Variants in NCSTN observed in about 807,000 individuals in gnomAD.
NCSTN encodes the protein nicastrin, also known as anterior pharynx-defective 2.
A neutral mutation model predicts 87.0 loss-of-function variants in NCSTN; 22 were observed. The ratio of observed to expected loss-of-function variants is 0.25; its 90% confidence interval spans 0.18 to 0.36. The LOEUF (loss-of-function observed/expected upper bound fraction) is 0.36, where lower values mean the gene tolerates loss of function less well. Ranked by LOEUF, NCSTN falls within the 10% of genes least tolerant of loss-of-function variation. The probability of loss-of-function intolerance (pLI) is 1.00; values close to 1 mark genes in which losing one functional copy is unlikely to be tolerated. For synonymous variants in NCSTN, 306 were observed against 327.1 expected (o/e 0.94, Z 0.69); for missense variants, 693 against 883.3 (o/e 0.78, Z 2.73).
At chr1:160,357,576 T>G (rs934935763) in intron 16 of NCSTN, among the ~76,000 whole-genome samples, 5 of 152,254 alleles carry the variant, frequency 3.3e-5, no homozygotes, top group African/African-American at 1.2e-4. Context: ...AGCTAATTTT[T>G]TTTTATTTTT....
At chr1:160,351,488 T>C in intron 6 of NCSTN, 116 bp downstream of exon 6, 1 of 1,364,312 alleles carries the variant, frequency 7.3e-7, no homozygotes, top group Non-Finnish European at 1.0e-6. Context: ...ATGAAGGAGC[T>C]CTGCATGGGA....
rs748459505 is a variant in NCSTN at position 160,355,640 on chromosome 1, C to G, written c.1353-15C>G. Reference sequence around the variant, plus strand: ...GGCTAAATGTAGCCAAGGCTCATGCCGGCTTTCCTGGCAGATATTACCAGA... The same window carrying G: ...GGCTAAATGTAGCCAAGGCTCATGCGGGCTTTCCTGGCAGATATTACCAGA... On this transcript the variant is annotated splice_polypyrimidine_tract_variant and intron_variant, in intron 11 of 16. Transcript: ENST00000294785. The G allele has an allele frequency of 1.9e-6, 3 of 1,599,958 alleles. No individual in the cohort carries two copies. Among genetic ancestry groups the G allele is most frequent in the Non-Finnish European group, 1.7e-6 (2 of 1,167,342 alleles).
At chr1:160,356,964 G>T in intron 15 of NCSTN, 77 bp from the exon 16 acceptor site, 10 of 1,437,712 alleles carry the variant, frequency 7.0e-6, no homozygotes, top group Non-Finnish European at 9.8e-6. Context: ...GTTAGAGCAT[G>T]GCACTGATAG....
chr1:160,343,640 T>G, intron 1 of NCSTN, 159 bp downstream of exon 1: 1 of 788,040 alleles, frequency 1.3e-6, no homozygotes, highest in Non-Finnish European at 2.2e-6. Flanking sequence ...AGTTCCCCCT[T>G]TGCCTGGACC....
At chr1:160,347,358 G>A (rs1410771113) in intron 2 of NCSTN, among the ~76,000 whole-genome samples, 6 of 152,154 alleles carry the variant, frequency 3.9e-5, no homozygotes, top group Non-Finnish European at 7.3e-5. Context: ...TCTCTTAGAC[G>A]CTTTAAAGTT....
In NCSTN at chr1:160,351,685, G is replaced by C. The variant is rs772178774; in HGVS notation, c.734-11G>C. 2.6e-5 allele frequency: 41 copies of C among 1,569,868 alleles called. No homozygotes were observed. The highest frequency in any genetic ancestry group is 2.5e-4 in the Admixed American group (15 of 59,956). ...GCCTTGTTGATCTCTCATTGTTTGT[G>C]TCCTGCTTAGAAATCGTCTGTGACC... On this transcript the variant is annotated splice_polypyrimidine_tract_variant and intron_variant, in intron 6 of 16. Transcript: ENST00000294785.
chr1:160,347,805 T>C lies in NCSTN; in HGVS notation c.191-1194T>C, dbSNP rs556138135. On this transcript the variant is annotated intron_variant, in intron 2 of 16. Transcript: ENST00000294785. The stretch of plus-strand genomic sequence containing the variant: ...TTGTATTTTTAGTAGAGATGGGGTT[T>C]CGCCATGTTGGCCAGGCTGGTCTCA... 2.6e-5 allele frequency among the ~76,000 whole-genome samples: 4 copies of C among 152,354 alleles called. No individual in the cohort carries two copies. The South Asian group carries it at 8.3e-4, about 32-fold the overall frequency.
Position 160,352,915 on chromosome 1 carries a change from G to C in NCSTN, c.1025G>C (p.Arg342Thr). Residue 342 changes from arginine to threonine, a missense_variant, in exon 9 of 17, where the codon AGG becomes ACG. Transcript: ENST00000294785. Reference sequence around the variant, plus strand: ...ACTTTTGACTACATTGGCAGCTCGAGGATGGTCTACGATATGGAGAAGGGC... The same window carrying C: ...ACTTTTGACTACATTGGCAGCTCGACGATGGTCTACGATATGGAGAAGGGC... ...GETFDYIGSS[R>T]MVYDMEKGKF... 1 of 1,614,166 alleles carries C rather than the reference G, an allele frequency of 6.2e-7. No homozygotes were observed.
Position 160,349,623 on chromosome 1 carries a change from C to A in NCSTN, c.389C>A (p.Pro130His). The A allele has an allele frequency of 6.2e-7, 1 of 1,614,166 alleles. No individual in the cohort carries two copies. The highest frequency in any genetic ancestry group is 8.5e-7 in the Non-Finnish European group (1 of 1,180,014). The change falls in exon 4 of 17, where the codon CCT becomes CAT. Residue 130 changes from proline to histidine, a missense_variant. Transcript: ENST00000294785. ...GLAVSLTKPSPASGFSPSVQC... is the reference protein window; with the variant it reads ...GLAVSLTKPSHASGFSPSVQC... ...GCAGTGTCCTTGACCAAGCCCAGTC[C>A]TGCCTCAGGCTTCTCTCCTAGTGTA...
chr1:160,355,778 G>T, intron 12 of NCSTN, 21 bp downstream of exon 12: 5 of 1,604,374 alleles, frequency 3.1e-6, no homozygotes, highest in Non-Finnish European at 4.3e-6. Flanking sequence ...GCCAGGCTGG[G>T]TGGGAGCCTG....
chr1:160,357,736 A>G (rs968163330), intron 16 of NCSTN, among the ~76,000 whole-genome samples: 1 of 152,136 alleles, frequency 6.6e-6, no homozygotes, highest in Admixed American at 6.5e-5. Context: ...TAGTTTGAGT[A>G]GGTGTTCATT....
intron 2 of NCSTN, among the ~76,000 whole-genome samples, chr1:160,348,488 C>G (rs1020642501): frequency 6.6e-6 from 1 of 152,186 alleles, no homozygotes; most frequent in Non-Finnish European, 1.5e-5. Flanking sequence ...TTAGAAACCT[C>G]AGAGTTCTTG....
At chr1:160,351,606 T>TG in intron 6 of NCSTN, 90 bp from the exon 7 acceptor site, 1 of 1,322,826 alleles carries the variant, frequency 7.6e-7, no homozygotes, top group Non-Finnish European at 1.1e-6. Flanking sequence ...TTAGAGTCCG[T>TG]GGGGCACTGG....
intron 3 of NCSTN, chr1:160,349,338 C>T: frequency 1.1e-6 from 1 of 883,148 alleles, no homozygotes. Flanking sequence ...CCCTGGGCAT[C>T]CCTCCCCTCC....
At chr1:160,352,841 C>A in intron 8 of NCSTN, 46 bp from the exon 9 acceptor site, 1 of 1,492,036 alleles carries the variant, frequency 6.7e-7, no homozygotes, top group Non-Finnish European at 9.4e-7. Context: ...GCTCTCCTAA[C>A]CCTTTGGAAT....
chr1:160,343,601 TC>T (rs1226226848), intron 1 of NCSTN, 120 bp downstream of exon 1: 9 of 974,570 alleles, frequency 9.2e-6, no homozygotes, highest in Non-Finnish European at 1.4e-5. Context: ...ACCCTGTAAA[TC>T]CTCTTTCTTT....
At position 160,357,161 on chromosome 1, in the gene NCSTN, C is replaced by T; in HGVS notation, c.1915C>T (p.Gln639Ter). ...CTTGTCTCCTGCCTTTGAACTGAGT[C>T]AGTGGAGCTCTACTGAATACTCTAC... The part of the protein sequence containing the change: ...RALSPAFELS[Q>*]WSSTEYSTWT... The change falls in exon 16 of 17, where the codon CAG (glutamine) becomes TAG (stop). Residue 639 changes from glutamine (Q) to a stop codon, truncating the protein, a stop_gained. Coordinates refer to ENST00000294785, the MANE Select transcript of NCSTN (RefSeq NM_015331.3). LOFTEE classifies it high-confidence loss of function. 1 of 1,614,136 alleles carries T rather than the reference C, an allele frequency of 6.2e-7. No homozygotes were observed. Among genetic ancestry groups the T allele is most frequent in the Non-Finnish European group, 8.5e-7 (1 of 1,180,012 alleles).
At chr1:160,350,326 CA>C (rs1648766659) in intron 5 of NCSTN, 76 bp downstream of exon 5, 1 of 1,556,604 alleles carries the variant, frequency 6.4e-7, no homozygotes, top group African/African-American at 1.4e-5. Context: ...GTGGTGTGTG[CA>C]CGTAGTCCCA....
At chr1:160,352,243 G>A in intron 8 of NCSTN, 37 bp downstream of exon 8, 1 of 1,613,052 alleles carries the variant, frequency 6.2e-7, no homozygotes, top group East Asian at 2.2e-5. Context: ...TGGCAGGGAA[G>A]AAAGAGGATA....
Sources: gnomAD v4.1 joint callset for allele counts (sites outside exome capture counted in the v4.1 genomes callset) on GRCh38, gnomAD v4.1.1 for gene constraint, MANE v1.5 for transcripts, NCBI Gene and HGNC (gene_info 2026-07-23, HGNC 2026-07-21) for gene names.